The following VPS13D variants were observed in gnomAD, a reference collection of about 807,000 sequenced individuals.
VPS13D encodes intermembrane lipid transfer protein VPS13D.
VPS13D carries 187 observed loss-of-function variants against 461.9 expected under a neutral mutation model. That is an observed-to-expected ratio of 0.40 (90% CI 0.36 to 0.46). The LOEUF is 0.46. Among genes scored for constraint, VPS13D ranks in the 20% least tolerant of loss-of-function variants. The pLI, the probability that VPS13D is intolerant of heterozygous loss-of-function variation, is 0.60. For synonymous variants in VPS13D, 1,951 were observed against 1,986.3 expected (o/e 0.98, Z 0.47); for missense variants, 4,711 against 5,364.9 (o/e 0.88, Z 3.81).
intron 53 of VPS13D, among the ~76,000 whole-genome samples, chr1:12,369,199 TA>T (rs1169774622): frequency 6.6e-6 from 1 of 151,972 alleles, no homozygotes; most frequent in Non-Finnish European, 1.5e-5. Context: ...TTTCATTCAA[TA>T]GGATATATGT....
intron 42 of VPS13D, among the ~76,000 whole-genome samples, chr1:12,344,458 C>G (rs1293141639): frequency 1.3e-5 from 2 of 152,152 alleles, no homozygotes; most frequent in African/African-American, 4.8e-5. Flanking sequence ...TTGGAAGCCA[C>G]TTTAGCTTCC....
chr1:12,288,652 TG>T (rs1557688051), intron 22 of VPS13D, among the ~76,000 whole-genome samples: 1 of 151,586 alleles, frequency 6.6e-6, no homozygotes, highest in Non-Finnish European at 1.5e-5. Flanking sequence ...AACTTTTTTT[TG>T]GTTCAAATTG....
intron 54 of VPS13D, among the ~76,000 whole-genome samples, chr1:12,369,906 G>A (rs1644093413): frequency 1.3e-5 from 2 of 152,164 alleles, no homozygotes; most frequent in Non-Finnish European, 2.9e-5. Flanking sequence ...TATCCAAAGA[G>A]TCAAGACCCT....
chr1:12,283,529 C>A lies in VPS13D; in HGVS notation c.5427C>A (p.Ser1809Arg). 6.2e-7 allele frequency: 1 copy of A among 1,614,202 alleles called. No homozygotes were observed. The highest frequency in any genetic ancestry group is 1.1e-5 in the South Asian group (1 of 91,090). The change falls in exon 21 of 70, where the codon AGC (serine) becomes AGA (arginine). Residue 1809 changes from serine to arginine, a missense_variant. By Grantham distance (110) the Ser-to-Arg change is moderately radical (BLOSUM62 -1). Around this residue, in one of 3 missense-constraint regions of VPS13D, gnomAD observed 4,411 missense variants for 4,937.8 expected, o/e 0.89. Transcript: ENST00000620676. The stretch of plus-strand genomic sequence containing the variant: ...CCAGTTACAATCGAGTTAACCGGAG[C>A]ATTGATGTTGATTTTAATTGCTTGG... ...FSSSYNRVNR[S>R]IDVDFNCLDV...
At chr1:12,506,766 C>G (rs970313314) in intron 68 of VPS13D, 87 bp from the exon 69 acceptor site, 2 of 1,535,380 alleles carry the variant, frequency 1.3e-6, no homozygotes, top group East Asian at 4.5e-5. Flanking sequence ...CACTCAGGCC[C>G]TGGGGCCACA....
At chr1:12,372,471 G>A (rs1034805795) in intron 54 of VPS13D, among the ~76,000 whole-genome samples, 2 of 152,078 alleles carry the variant, frequency 1.3e-5, no homozygotes, top group African/African-American at 2.4e-5. Flanking sequence ...ATGATGTTAT[G>A]CGTCTTTTCA....
intron 26 of VPS13D, among the ~76,000 whole-genome samples, chr1:12,305,517 C>T (rs1457945272): frequency 1.3e-5 from 2 of 152,028 alleles, no homozygotes; most frequent in Non-Finnish European, 2.9e-5. Context: ...CTTAAACTCC[C>T]GAGCTCAAGT....
At chr1:12,441,218 T>C (rs972998963) in intron 65 of VPS13D, among the ~76,000 whole-genome samples, 3 of 152,214 alleles carry the variant, frequency 2.0e-5, no homozygotes, top group Admixed American at 1.3e-4. Flanking sequence ...TGAGCAACTG[T>C]GCCCAACCAA....
At chr1:12,381,970 CTT>C (rs1557745619) in intron 57 of VPS13D, among the ~76,000 whole-genome samples, 35 of 131,996 alleles carry the variant, frequency 2.7e-4, no homozygotes, top group African/African-American at 8.8e-4. Context: ...TTCTTTCTTT[CTT>C]TCTTTCTTTC....
In VPS13D at chr1:12,416,722, G is replaced by T; in HGVS notation, c.12228G>T (p.Gly4076=). 6.2e-7 allele frequency: 1 copy of T among 1,614,084 alleles called. No homozygotes were observed. The highest frequency in any genetic ancestry group is 8.5e-7 in the Non-Finnish European group (1 of 1,180,000). ...GSVDFLGNPM[G]LLNDVSEGVT... is the part of the protein sequence containing the mutation. ...TGGATTTTCTTGGCAATCCTATGGGGCTTTTGAATGATGTTTCTGAAGGGG... is the reference window on the plus strand; with the variant it reads ...TGGATTTTCTTGGCAATCCTATGGGTCTTTTGAATGATGTTTCTGAAGGGG... The change falls in exon 65 of 70, where the codon GGG becomes GGT. Residue 4076 remains glycine (G), a synonymous_variant. Coordinates refer to ENST00000620676, the MANE Select transcript of VPS13D (RefSeq NM_015378.4).
intron 65 of VPS13D, among the ~76,000 whole-genome samples, chr1:12,421,002 C>G (rs1644855483): frequency 6.6e-6 from 1 of 152,160 alleles, no homozygotes; most frequent in South Asian, 2.1e-4. Context: ...TTTCTCCCCC[C>G]AGAGCGTTCC....
intron 5 of VPS13D, among the ~76,000 whole-genome samples, chr1:12,248,484 A>G (rs749553674): frequency 1.3e-5 from 2 of 152,136 alleles, no homozygotes; most frequent in Non-Finnish European, 2.9e-5. Flanking sequence ...CTGAGACTGC[A>G]GGCTCGTGCC....
chr1:12,393,022 G>T (rs1644448414), intron 60 of VPS13D, among the ~76,000 whole-genome samples: 1 of 152,194 alleles, frequency 6.6e-6, no homozygotes, highest in Admixed American at 6.5e-5. Flanking sequence ...TTTCTTGGTT[G>T]TAGGAGGGAC....
At position 12,445,178 on chromosome 1, in the gene VPS13D, A is replaced by G. The variant is rs148182461; in HGVS notation, c.12334-10820A>G. ...GAGTCACAACAGAGGACTTAAGGAAACTGAGTCCTGAAGAATCCGTTCTGC... is the reference window on the plus strand; with the variant it reads ...GAGTCACAACAGAGGACTTAAGGAAGCTGAGTCCTGAAGAATCCGTTCTGC... On this transcript the variant is annotated intron_variant, in intron 65 of 69. Transcript: ENST00000620676. 4.1e-4 allele frequency among the ~76,000 whole-genome samples: 62 copies of G among 152,362 alleles called. 1 individual carries two copies. The East Asian group carries it at 0.011, about 27-fold the overall frequency.
chr1:12,433,715 C>T (rs1645022403), intron 65 of VPS13D, among the ~76,000 whole-genome samples: 2 of 152,120 alleles, frequency 1.3e-5, no homozygotes, highest in Admixed American at 1.3e-4. Flanking sequence ...CCCGGGAGGG[C>T]TGGGAGGAAG....
intron 65 of VPS13D, among the ~76,000 whole-genome samples, chr1:12,449,486 A>G (rs1306895933): frequency 6.6e-6 from 1 of 152,036 alleles, no homozygotes; most frequent in Non-Finnish European, 1.5e-5. Context: ...CCTTTTATCA[A>G]CAATAGATAT....
At chr1:12,415,332 T>C in intron 64 of VPS13D, 111 bp downstream of exon 64, 1 of 1,405,484 alleles carries the variant, frequency 7.1e-7, no homozygotes. Context: ...GTTAAACATT[T>C]CAACTCTGTT....
At chr1:12,350,530 C>T (rs1419850295) in intron 46 of VPS13D, among the ~76,000 whole-genome samples, 9 of 151,728 alleles carry the variant, frequency 5.9e-5, no homozygotes, top group Middle Eastern at 3.2e-3. Flanking sequence ...AAACCAGTTC[C>T]GAGGGTAGAA....
chr1:12,272,790 A>G (rs1641490632), intron 17 of VPS13D, among the ~76,000 whole-genome samples: 1 of 151,826 alleles, frequency 6.6e-6, no homozygotes. Flanking sequence ...GTTATTTGCT[A>G]TTTTTTTTCT....
Sources: gnomAD v4.1 joint callset for allele counts (sites outside exome capture counted in the v4.1 genomes callset) on GRCh38, gnomAD v4.1.1 for gene constraint, gnomAD v4.1.1 regional missense constraint, MANE v1.5 for transcripts, NCBI Gene and HGNC (gene_info 2026-07-23, HGNC 2026-07-21) for gene names.